NIBAN3: variants seen among roughly 807,000 people sequenced by gnomAD.
NIBAN3 encodes niban apoptosis regulator 3.
A neutral mutation model predicts 76.4 loss-of-function variants in NIBAN3; 66 were observed. The ratio of observed to expected loss-of-function variants is 0.86; its 90% CI spans 0.71 to 1.06. The LOEUF (loss-of-function observed/expected upper bound fraction) is 1.06. Among genes scored for constraint, NIBAN3 ranks in the 50% least tolerant of loss-of-function variants. NIBAN3 has a pLI of 0.00. For synonymous variants in NIBAN3, 360 were observed against 355.2 expected, an observed-to-expected ratio of 1.01 and a Z score of -0.15; for missense variants, 808 against 810.7, an observed-to-expected ratio of 1.00 and a Z score of 0.04.
chr19:17,535,166 T>C (rs988874715), intron 4 of NIBAN3, among the ~76,000 whole-genome samples: 20 of 152,300 alleles, frequency 1.3e-4, no homozygotes, highest in African/African-American at 4.6e-4. Flanking sequence ...GAGCTGGCTG[T>C]GGCGGCATAT....
chr19:17,539,401 C>A lies in NIBAN3; in HGVS notation c.766C>A (p.Leu256Ile). Residue 256 changes from leucine (L) to isoleucine (I), a missense_variant, in exon 7 of 15, where the codon CTT becomes ATT. Leu to Ile is a conservative substitution (Grantham distance 5). Transcript: ENST00000599164. ...EQLPALRAQT[L>I]PGLRGAGRAR... ...ACTTCCCGCGCTGCGAGCCCAGACCCTTCCTGGCCTGCGGGGGGCAGGCCG... is the reference window on the plus strand; with the variant it reads ...ACTTCCCGCGCTGCGAGCCCAGACCATTCCTGGCCTGCGGGGGGCAGGCCG... 2 of 1,533,818 alleles carry A rather than the reference C, an allele frequency of 1.3e-6. No homozygotes were observed. Among genetic ancestry groups the A allele is most frequent in the Non-Finnish European group, 1.7e-6 (2 of 1,142,920 alleles).
chr19:17,542,340 C>G lies in NIBAN3; in HGVS notation c.1329+46C>G, dbSNP rs183318961. On this transcript the variant is annotated intron_variant, in intron 10 of 14. Coordinates refer to ENST00000599164, the MANE Select transcript of NIBAN3 (RefSeq NM_001321827.2). This position sits in a 1 kb window ranked among gnomAD's most constrained non-coding sequence, Gnocchi z 4.8. ...GGATGAGGCCAGGCTGTGAAGACAG[C>G]CTCCACTGACCTCCTGCTAAGTGTG... 1.4e-5 allele frequency: 22 copies of G among 1,532,728 alleles called. No individual in the cohort carries two copies. The African/African-American group carries it at 2.6e-4, about 18-fold the overall frequency. The allele number at this position is 1,532,728 out of a possible 1,614,324, so 94.9% of individuals were successfully genotyped here.
chr19:17,527,781 A>G (rs1427189333), intron 1 of NIBAN3, among the ~76,000 whole-genome samples: 6 of 151,388 alleles, frequency 4.0e-5, no homozygotes, highest in Admixed American at 4.0e-4. Context: ...TTTGCTTTTG[A>G]ACTTGTGGGC....
intron 6 of NIBAN3, 35 bp downstream of exon 6, chr19:17,539,300 AG>A: frequency 6.4e-7 from 1 of 1,566,540 alleles, no homozygotes; most frequent in Non-Finnish European, 8.6e-7. Context: ...CGGGACCCCC[AG>A]GACCCTCCCG....
rs201723336 is a variant in NIBAN3 at position 17,543,514 on chromosome 19, T to C, written c.1447-10T>C. On this transcript the variant is annotated splice_polypyrimidine_tract_variant and intron_variant, in intron 11 of 14. Coordinates refer to ENST00000599164, the MANE Select transcript of NIBAN3 (RefSeq NM_001321827.2). Reference sequence around the variant, plus strand: ...TGGTTGCTGGACGCACCGCTGGGTGTGTTGTGCAGAAATTCAAATCGGACA... The same window carrying C: ...TGGTTGCTGGACGCACCGCTGGGTGCGTTGTGCAGAAATTCAAATCGGACA... 5.3e-5 allele frequency: 85 copies of C among 1,613,532 alleles called. No individual in the cohort carries two copies. Among genetic ancestry groups the C allele is most frequent in the Admixed American group, 2.5e-4 (15 of 59,982 alleles).
At chr19:17,540,683 T>C (rs956271355) in intron 9 of NIBAN3, 101 bp downstream of exon 9, 8 of 965,000 alleles carry the variant, frequency 8.3e-6, no homozygotes, top group Middle Eastern at 2.3e-4. Flanking sequence ...AGGCTGCTTT[T>C]TACTTATTGT....
In NIBAN3 at chr19:17,542,400, C is replaced by T. The variant is rs551527015; in HGVS notation, c.1329+106C>T. ...GACCACGATGATCGAGACAACTCCGCGGGGCTGCCAGTCTCATGGGGACAT... is the reference window on the plus strand; with the variant it reads ...GACCACGATGATCGAGACAACTCCGTGGGGCTGCCAGTCTCATGGGGACAT... On this transcript the variant is annotated intron_variant, in intron 10 of 14. Coordinates refer to ENST00000599164, the MANE Select transcript of NIBAN3 (RefSeq NM_001321827.2). This position sits in a 1 kb window ranked among gnomAD's most constrained non-coding sequence, Gnocchi z 4.8. The T allele has an allele frequency of 4.0e-5, 50 of 1,239,086 alleles. No homozygotes were observed. In the South Asian group the frequency reaches 4.1e-4, roughly 10 times the overall value. 76.8% of individuals were successfully genotyped at this position (1,239,086 alleles called of 1,614,324 possible). A position where few individuals can be genotyped will look rare whatever the true frequency, so the allele number is the denominator to read the frequency against.
chr19:17,532,102 C>T (rs897338325), intron 2 of NIBAN3, among the ~76,000 whole-genome samples, 161 bp from the exon 3 acceptor site: 1 of 152,230 alleles, frequency 6.6e-6, no homozygotes, highest in African/African-American at 2.4e-5. Context: ...GCTCCAGGAG[C>T]TGTGGACACA....
Position 17,537,506 on chromosome 19 carries a change from G to T in NIBAN3, c.558G>T (p.Arg186Ser), listed in dbSNP as rs752631958. The change falls in exon 5 of 15, where the codon AGG (arginine) becomes AGT (serine). Residue 186 changes from arginine (R) to serine (S), a missense_variant. By Grantham distance (110) the Arg-to-Ser change is moderately radical (BLOSUM62 -1). Transcript: ENST00000599164. ...AATREAQHAW[R>S]LALQGGIRLQ... ...CCAGGGAGGCACAGCATGCCTGGAG[G>T]CTGGCCCTGCAGGGTGGCATCCGGC... 1 of 1,610,302 alleles carries T rather than the reference G, an allele frequency of 6.2e-7. No individual in the cohort carries two copies. Among genetic ancestry groups the T allele is most frequent in the Non-Finnish European group, 8.5e-7 (1 of 1,179,744 alleles).
intron 6 of NIBAN3, 35 bp downstream of exon 6, chr19:17,539,300 A>C: frequency 1.3e-6 from 2 of 1,566,540 alleles, no homozygotes; most frequent in South Asian, 2.3e-5. Context: ...CGGGACCCCC[A>C]GGACCCTCCC....
intron 4 of NIBAN3, 93 bp from the exon 5 acceptor site, chr19:17,537,283 A>G (rs2075841305): frequency 3.2e-6 from 4 of 1,258,732 alleles, no homozygotes; most frequent in Admixed American, 3.9e-5. Flanking sequence ...TTATCGAGCA[A>G]CTGCCCATGC....
intron 1 of NIBAN3, among the ~76,000 whole-genome samples, chr19:17,529,462 C>A (rs2075672499): frequency 6.6e-6 from 1 of 152,170 alleles, no homozygotes; most frequent in Non-Finnish European, 1.5e-5. Context: ...GGTCCACATT[C>A]CGGGCAGCAG....
intron 14 of NIBAN3, chr19:17,549,811 T>G: frequency 2.0e-6 from 1 of 497,432 alleles, no homozygotes. Context: ...GTCCCATCTC[T>G]CTCTCTCTCT....
In NIBAN3 at chr19:17,532,365, C is replaced by G. The variant is rs1436649907; in HGVS notation, c.289C>G (p.Leu97Val). The G allele has an allele frequency of 6.8e-6, 11 of 1,614,090 alleles. No homozygotes were observed. In the Admixed American group the frequency reaches 1.8e-4, roughly 27 times the overall value. Residue 97 changes from leucine to valine, a missense_variant, in exon 3 of 15, where the codon CTA becomes GTA. By Grantham distance (32) the Leu-to-Val change is conservative. Transcript: ENST00000599164. The part of the protein sequence containing the change: ...IFCVLRGDGR[L>V]EWFSHKEEYE... ...CTGTGTTCTGCGTGGGGACGGCCGC[C>G]TAGAGTGGTTCAGCCACAAGGAGGT...
chr19:17,550,963 A>G (rs1207407027), intron 14 of NIBAN3, among the ~76,000 whole-genome samples: 3 of 149,032 alleles, frequency 2.0e-5, no homozygotes, highest in Non-Finnish European at 4.4e-5. Flanking sequence ...CCACCAGGGT[A>G]GCCTCACTGG....
upstream of NIBAN3, among the ~76,000 whole-genome samples, chr19:17,526,081 A>G (rs901216102): frequency 2.6e-5 from 4 of 151,682 alleles, no homozygotes; most frequent in African/African-American, 9.7e-5. Context: ...TAGGAGGTCA[A>G]GGAGGGTGGA....
intron 5 of NIBAN3, among the ~76,000 whole-genome samples, chr19:17,538,699 G>GA (rs34653978): frequency 1.0e-5 from 1 of 99,078 alleles, no homozygotes; most frequent in African/African-American, 3.3e-5. Flanking sequence ...GAAAGAAAAA[G>GA]AAAAGAAAGG....
intron 3 of NIBAN3, 147 bp downstream of exon 3, chr19:17,532,535 G>A: frequency 1.5e-6 from 2 of 1,328,342 alleles, no homozygotes; most frequent in Non-Finnish European, 1.1e-6. Flanking sequence ...TGTTTGGCCT[G>A]TTGTAGGCAA....
intron 4 of NIBAN3, among the ~76,000 whole-genome samples, chr19:17,536,065 T>C (rs1196495162): frequency 6.6e-6 from 1 of 152,192 alleles, no homozygotes; most frequent in African/African-American, 2.4e-5. Flanking sequence ...ACGCAGATTT[T>C]AGAATCTGGA....
Sources: allele counts gnomAD v4.1 joint callset (sites outside exome capture counted in the v4.1 genomes callset), GRCh38; gene constraint gnomAD v4.1.1; non-coding constraint Gnocchi (gnomAD v3.1); transcripts MANE v1.5; gene names NCBI Gene and HGNC (gene_info 2026-07-23, HGNC 2026-07-21).